ABI3BP: variants seen among roughly 807,000 people sequenced by gnomAD.
ABI3BP encodes the protein ABI family member 3 binding protein.
ABI3BP carries 216 observed loss-of-function variants against 268.6 expected under a neutral mutation model. The observed-to-expected ratio is 0.80, with a 90% confidence interval of 0.72 to 0.90. The LOEUF is 0.90. Among genes scored for constraint, ABI3BP ranks in the 40% least tolerant of loss-of-function variants. The probability of loss-of-function intolerance (pLI) is 0.00; values close to 1 mark genes in which losing one functional copy is unlikely to be tolerated. For missense variants in ABI3BP, 2,090 were observed against 2,182.4 expected (o/e 0.96, Z 0.84); for synonymous variants, 730 against 730.0 (o/e 1.00, Z 0.00).
At chr3:100,790,057 A>G (rs2152022207) in intron 55 of ABI3BP, among the ~76,000 whole-genome samples, 1 of 152,170 alleles carries the variant, frequency 6.6e-6, no homozygotes, top group East Asian at 1.9e-4. Flanking sequence ...AGTGTCATCC[A>G]TAATGCTGTA....
At chr3:100,976,283 G>T (rs892421028) in intron 1 of ABI3BP, among the ~76,000 whole-genome samples, 28 of 152,192 alleles carry the variant, frequency 1.8e-4, no homozygotes, top group African/African-American at 6.5e-4. Context: ...CACAGAGGGT[G>T]CATATAAAAT....
chr3:100,830,055 CAAG>C (rs1254262648), intron 32 of ABI3BP, among the ~76,000 whole-genome samples: 4 of 121,832 alleles, frequency 3.3e-5, no homozygotes, highest in African/African-American at 1.2e-4. Context: ...TTTACTGAAA[CAAG>C]AACACACCCT....
At chr3:100,826,238 C>G (rs2098381930) in intron 34 of ABI3BP, among the ~76,000 whole-genome samples, 1 of 152,206 alleles carries the variant, frequency 6.6e-6, no homozygotes, top group South Asian at 2.1e-4. Flanking sequence ...CTTGCAGACA[C>G]ATTGATCTTG....
intron 42 of ABI3BP, 85 bp downstream of exon 42, chr3:100,817,351 C>A: frequency 1.0e-6 from 1 of 968,178 alleles, no homozygotes; most frequent in Non-Finnish European, 1.5e-6. Context: ...TCCTACAAAG[C>A]TGATGACAAT....
intron 1 of ABI3BP, among the ~76,000 whole-genome samples, chr3:100,959,881 G>A (rs1396936010): frequency 6.6e-6 from 1 of 152,156 alleles, no homozygotes; most frequent in African/African-American, 2.4e-5. Flanking sequence ...GCATGCAAAT[G>A]TTCAGGCATA....
chr3:100,797,548 A>T (rs929999336), intron 51 of ABI3BP, among the ~76,000 whole-genome samples: 2 of 148,460 alleles, frequency 1.3e-5, no homozygotes, highest in African/African-American at 2.6e-5. Context: ...CCTCAGAAGA[A>T]AGATGAAGAA....
chr3:100,794,249 G>A (rs1385148017), intron 54 of ABI3BP, among the ~76,000 whole-genome samples: 1 of 151,946 alleles, frequency 6.6e-6, no homozygotes, highest in Admixed American at 6.6e-5. Flanking sequence ...CACCCTGTCG[G>A]CTGAGTGTGT....
chr3:100,811,270 T>C lies in ABI3BP; in HGVS notation c.3501A>G (p.Glu1167=). ...WPEEPKTEVV[E]SITYVSEPPE... Reference sequence around the variant, plus strand: ...GTGGTTCAGATACATATGTAATAGATTCCACAACTGTACCAAAACAAAGGA... The same window carrying C: ...GTGGTTCAGATACATATGTAATAGACTCCACAACTGTACCAAAACAAAGGA... Residue 1167 remains glutamate (E), a synonymous_variant, in exon 48 of 68, where the codon GAA becomes GAG. Transcript: ENST00000471714. 1 of 1,533,996 alleles carries C rather than the reference T, an allele frequency of 6.5e-7. No homozygotes were observed. The highest frequency in any genetic ancestry group is 8.7e-7 in the Non-Finnish European group (1 of 1,145,722).
chr3:100,765,850 G>C lies in ABI3BP; in HGVS notation c.4841C>G (p.Pro1614Arg). The C allele has an allele frequency of 1.2e-6, 2 of 1,607,078 alleles. No individual in the cohort carries two copies. The highest frequency in any genetic ancestry group is 1.7e-6 in the Non-Finnish European group (2 of 1,175,828). ...AGCACTGGTGGCTTACCTCGTGTTT[G>C]GTTTCAGATTTTCTACTGTGGAAAA... is the stretch of plus-strand genomic sequence containing the variant. ...QTFSTVENLK[P>R]NTSYEFQVKP... Residue 1614 changes from proline (P) to arginine (R), a missense_variant, in exon 63 of 68, where the codon CCA becomes CGA. Pro to Arg is a moderately radical substitution (Grantham distance 103). Transcript: ENST00000471714.
At chr3:100,975,064 A>G (rs1035768994) in intron 1 of ABI3BP, among the ~76,000 whole-genome samples, 1 of 152,194 alleles carries the variant, frequency 6.6e-6, no homozygotes, top group Non-Finnish European at 1.5e-5. Flanking sequence ...AGTTAATTTG[A>G]TAAGAGGTTA....
chr3:100,876,197 G>A (rs1283641826), intron 7 of ABI3BP, among the ~76,000 whole-genome samples: 2 of 152,152 alleles, frequency 1.3e-5, no homozygotes, highest in African/African-American at 4.8e-5. Flanking sequence ...AAATCAGTGG[G>A]TTTCTTCGGG....
chr3:100,968,193 T>C (rs1459028209), intron 1 of ABI3BP, among the ~76,000 whole-genome samples: 3 of 152,158 alleles, frequency 2.0e-5, no homozygotes, highest in Admixed American at 6.5e-5. Context: ...AATCCCAAAA[T>C]CCTGTTAAGA....
At position 100,912,980 on chromosome 3, in the gene ABI3BP, G is replaced by A. The variant is rs537973204; in HGVS notation, c.260-10294C>T. Among the ~76,000 whole-genome samples the A allele has an allele frequency of 1.1e-3, 174 of 152,284 alleles. 1 individual carries two copies. The highest frequency in any genetic ancestry group is 4.9e-3 in the Admixed American group (75 of 15,292). ...TGGTAGATGAAGGGGAGAAGGGAGA[G>A]GGGAACCCCACTGAAGAAGTCAGTC... On this transcript the variant is annotated intron_variant, in intron 2 of 67. Coordinates refer to ENST00000471714, the MANE Select transcript of ABI3BP (RefSeq NM_001375547.2).
Position 100,864,874 on chromosome 3 carries a change from G to A in ABI3BP, c.1022C>T (p.Pro341Leu), listed in dbSNP as rs2099034964. Residue 341 changes from proline (P) to leucine (L), a missense_variant, in exon 11 of 68, where the codon CCC (proline) becomes CTC (leucine). Coordinates refer to ENST00000471714, the MANE Select transcript of ABI3BP (RefSeq NM_001375547.2). ...TPETVPRSTK[P>L]TTSSALDVSE... ...AACATCTAATGCACTAGACGTAGTG[G>A]GTTTAGTGCTTCTTGGAACTGTTTC... 1 of 1,608,520 alleles carries A rather than the reference G, an allele frequency of 6.2e-7. No individual in the cohort carries two copies. The highest frequency in any genetic ancestry group is 8.5e-7 in the Non-Finnish European group (1 of 1,178,298).
chr3:100,972,023 G>A (rs527605357), intron 1 of ABI3BP, among the ~76,000 whole-genome samples: 1 of 152,200 alleles, frequency 6.6e-6, no homozygotes, highest in Admixed American at 6.5e-5. Flanking sequence ...AGCTGGGATG[G>A]AATGTCATCC....
rs980550973 is a variant in ABI3BP at position 100,898,588 on chromosome 3, T to A, written c.461+174A>T. 5.2e-5 allele frequency among the ~76,000 whole-genome samples: 8 copies of A among 152,388 alleles called. No homozygotes were observed. The South Asian group carries it at 1.2e-3, about 24-fold the overall frequency. On this transcript the variant is annotated intron_variant, in intron 4 of 67. Transcript: ENST00000471714. ...ATTTTTGAAAAAAATTACATGTATG[T>A]GTTTTCTATTCAGGTAGATAACCTT...
chr3:100,852,033 G>A (rs1234956474), intron 14 of ABI3BP, 93 bp from the exon 15 acceptor site: 3 of 1,155,192 alleles, frequency 2.6e-6, no homozygotes, highest in East Asian at 5.2e-5. Flanking sequence ...TGTAATGCTG[G>A]TTGAAGGACA....
At chr3:100,859,360 T>C (rs958658131) in intron 14 of ABI3BP, among the ~76,000 whole-genome samples, 5 of 152,138 alleles carry the variant, frequency 3.3e-5, no homozygotes, top group African/African-American at 9.7e-5. Flanking sequence ...TGGCAAAAAC[T>C]GCAATTACGT....
intron 22 of ABI3BP, 91 bp from the exon 23 acceptor site, chr3:100,840,255 C>T (rs950749699): frequency 2.0e-6 from 2 of 996,902 alleles, no homozygotes; most frequent in African/African-American, 3.3e-5. Flanking sequence ...GACATTTAAA[C>T]CCTTTGATTT....
Sources: gnomAD v4.1 joint callset for allele counts (sites outside exome capture counted in the v4.1 genomes callset) on GRCh38, gnomAD v4.1.1 for gene constraint, MANE v1.5 for transcripts, NCBI Gene and HGNC (gene_info 2026-07-23, HGNC 2026-07-21) for gene names.